The following FSD2 variants were observed in gnomAD, a reference collection of about 807,000 sequenced individuals.
The protein encoded by FSD2 is fibronectin type III and SPRY domain containing 2.
FSD2 carries 71 observed loss-of-function variants against 80.4 expected under a neutral mutation model. The observed-to-expected ratio is 0.88, with a 90% CI of 0.73 to 1.08. FSD2 has a LOEUF of 1.08. Ranked by LOEUF, FSD2 falls within the 50% of genes least tolerant of loss-of-function variation. The probability of loss-of-function intolerance (pLI) is 0.00; values close to 1 mark genes in which losing one functional copy is unlikely to be tolerated. For synonymous variants in FSD2, 361 were observed against 329.5 expected, an observed-to-expected ratio of 1.10 and a Z score of -1.03; for missense variants, 923 against 913.8, an observed-to-expected ratio of 1.01 and a Z score of -0.13.
intron 4 of FSD2, among the ~76,000 whole-genome samples, chr15:82,782,545 G>T (rs759112063): frequency 3.3e-5 from 5 of 152,212 alleles, no homozygotes; most frequent in Non-Finnish European, 7.3e-5. Flanking sequence ...CTCTGCGCTG[G>T]GGGAGGGAGA....
rs56148573 is a variant in FSD2 at position 82,790,742 on chromosome 15, AT to A, written c.-78-3275del. On this transcript the variant is annotated intron_variant, in intron 1 of 12. Transcript: ENST00000334574. ...AGGCGCCCGCCACCATGCCCAGCTA[AT>A]TTTTTTTTTTTTTTTGTATTTTTAG... 8.3e-3 allele frequency among the ~76,000 whole-genome samples: 1,103 copies of A among 132,628 alleles called. 8 individuals are homozygous for A. Among genetic ancestry groups the A allele is most frequent in the Non-Finnish European group, 0.012 (787 of 63,036 alleles). 87.0% of individuals were successfully genotyped at this position (132,628 alleles called of 152,430 possible).
At position 82,764,492 on chromosome 15, in the gene FSD2, C is replaced by CTTTTTTTTTTTTTTTTTTTTT. The variant is rs60095355; in HGVS notation, c.1820+673_1820+674insAAAAAAAAAAAAAAAAAAAAA. Among the ~76,000 whole-genome samples the CTTTTTTTTTTTTTTTTTTTTT allele has an allele frequency of 4.0e-3, 341 of 86,084 alleles. 39 individuals carry two copies. The highest frequency in any genetic ancestry group is 6.8e-3 in the Middle Eastern group (1 of 148). 56.5% of individuals were successfully genotyped at this position (86,084 alleles called of 152,430 possible). Reference sequence around the variant, plus strand: ...CTCTTGTTGCTTCATTCTTTACTTGCTTTTTTTTTTTTTTTTTTTTGAGAA... The same window carrying CTTTTTTTTTTTTTTTTTTTTT: ...CTCTTGTTGCTTCATTCTTTACTTGCTTTTTTTTTTTTTTTTTTTTTTTTTTTTTTTTTTTTTTTTTGAGAA... On this transcript the variant is annotated intron_variant, in intron 11 of 12. Coordinates refer to ENST00000334574, the MANE Select transcript of FSD2 (RefSeq NM_001007122.4).
In FSD2 at chr15:82,765,314, C is replaced by G; in HGVS notation, c.1688-16G>C. 2 of 1,612,892 alleles carry G rather than the reference C, an allele frequency of 1.2e-6. No homozygotes were observed. The highest frequency in any genetic ancestry group is 1.7e-6 in the Non-Finnish European group (2 of 1,179,532). On this transcript the variant is annotated splice_polypyrimidine_tract_variant and intron_variant, in intron 10 of 12. Coordinates refer to ENST00000334574, the MANE Select transcript of FSD2 (RefSeq NM_001007122.4). Reference sequence around the variant, plus strand: ...AAGTAGCTTCCTGTGGGAGGAGGAACACACAGAAGACCCGCAGCCAATCAC... The same window carrying G: ...AAGTAGCTTCCTGTGGGAGGAGGAAGACACAGAAGACCCGCAGCCAATCAC...
chr15:82,762,075 A>G, intron 12 of FSD2, 27 bp downstream of exon 12: 1 of 1,532,856 alleles, frequency 6.5e-7, no homozygotes, highest in Non-Finnish European at 8.8e-7. Context: ...GCAAATTTTA[A>G]TTGTGAGTAT....
intron 9 of FSD2, among the ~76,000 whole-genome samples, chr15:82,768,508 G>C (rs999177205): frequency 2.0e-5 from 3 of 152,170 alleles, no homozygotes; most frequent in African/African-American, 7.2e-5. Flanking sequence ...CCACCAGACT[G>C]TCAGCCCCAT....
chr15:82,796,890 C>A (rs577325479), intron 1 of FSD2, among the ~76,000 whole-genome samples: 1 of 152,144 alleles, frequency 6.6e-6, no homozygotes, highest in Non-Finnish European at 1.5e-5. Flanking sequence ...TGGGAAGGAA[C>A]TAGCATTTGA....
intron 8 of FSD2, among the ~76,000 whole-genome samples, chr15:82,769,525 A>T (rs1382087861): frequency 2.6e-5 from 4 of 152,090 alleles, no homozygotes; most frequent in Non-Finnish European, 5.9e-5. Flanking sequence ...CAGTGAGCAG[A>T]GATCTTGCCA....
intron 6 of FSD2, among the ~76,000 whole-genome samples, chr15:82,776,846 A>G (rs1182666082): frequency 6.6e-6 from 1 of 152,222 alleles, no homozygotes; most frequent in African/African-American, 2.4e-5. Context: ...ACAAAGCTAC[A>G]GTAATTAAGA....
chr15:82,762,907 C>T lies in FSD2; in HGVS notation c.1821-629G>A, dbSNP rs117026906. ...GAAAATCAAATTATACTGGTATCTC[C>T]AAAGTGAATATTCTACCTTCTTCAG... On this transcript the variant is annotated intron_variant, in intron 11 of 12. Transcript: ENST00000334574. 5.8e-3 allele frequency among the ~76,000 whole-genome samples: 877 copies of T among 152,274 alleles called. 11 individuals are homozygous for T. The highest frequency in any genetic ancestry group is 0.05 in the South Asian group (241 of 4,828).
rs2049785202 is a variant in FSD2, at chr15:82,778,878, T to A, written c.999A>T (p.Lys333Asn). The change falls in exon 6 of 13, where the codon AAA (lysine) becomes AAT (asparagine). Residue 333 changes from lysine to asparagine, a missense_variant. Lys to Asn is a moderately conservative substitution (Grantham distance 94). Transcript: ENST00000334574. ...CCACGTCTGTTTTTGTTTTCAGGAA[T>A]TTCCCGAGTCTGTTGGTATAAAAAG... Reference protein sequence around the residue: ...DAVAMADRLGKFLKTKTDVEI... With the variant: ...DAVAMADRLGNFLKTKTDVEI... 1 of 1,613,954 alleles carries A rather than the reference T, an allele frequency of 6.2e-7. No individual in the cohort carries two copies. The highest frequency in any genetic ancestry group is 1.1e-5 in the South Asian group (1 of 91,072).
chr15:82,784,065 G>A (rs1481009283), intron 3 of FSD2, among the ~76,000 whole-genome samples: 1 of 151,958 alleles, frequency 6.6e-6, no homozygotes, highest in African/African-American at 2.4e-5. Context: ...AATCATTCAG[G>A]GAGTAATTAC....
intron 1 of FSD2, among the ~76,000 whole-genome samples, chr15:82,804,368 TA>T: frequency 6.6e-6 from 1 of 152,140 alleles, no homozygotes; most frequent in Non-Finnish European, 1.5e-5. Context: ...CATGGATGTT[TA>T]AAAAAAATTC....
rs752459574 is a variant in FSD2, at chr15:82,786,916, C to G, written c.475G>C (p.Glu159Gln). Residue 159 changes from glutamate to glutamine, a missense_variant, in exon 2 of 13, where the codon GAG becomes CAG. Transcript: ENST00000334574. ...GGGATGACATAGCATTCATACTCCTCGCTGGCACGGCCGTGTGTGTACCTA... is the reference window on the plus strand; with the variant it reads ...GGGATGACATAGCATTCATACTCCTGGCTGGCACGGCCGTGTGTGTACCTA... ...AYRYTHGRAS[E>Q]EYECYVIPEE... is the part of the protein sequence containing the mutation. The G allele has an allele frequency of 6.2e-7, 1 of 1,613,874 alleles. No individual in the cohort carries two copies. Among genetic ancestry groups the G allele is most frequent in the Admixed American group, 1.7e-5 (1 of 59,994 alleles).
At position 82,769,774 on chromosome 15, in the gene FSD2, T is replaced by A; in HGVS notation, c.1378A>T (p.Ser460Cys). ...AHNRAGPSPS[S>C]ERAVYMTAPS... is the part of the protein sequence containing the mutation. ...CCTGTCATGTACACTGCACGCTCGCTAGAGGGGCTGGGGCCAGCCCTGTTG... is the reference window on the plus strand; with the variant it reads ...CCTGTCATGTACACTGCACGCTCGCAAGAGGGGCTGGGGCCAGCCCTGTTG... Residue 460 changes from serine to cysteine, a missense_variant, in exon 8 of 13, where the codon AGC becomes TGC. Ser to Cys is a moderately radical substitution (Grantham distance 112). Transcript: ENST00000334574. The A allele has an allele frequency of 6.2e-7, 1 of 1,613,954 alleles. No homozygotes were observed. Among genetic ancestry groups the A allele is most frequent in the Non-Finnish European group, 8.5e-7 (1 of 1,179,858 alleles).
chr15:82,756,705 C>T lies in FSD2; in HGVS notation c.*2643G>A, dbSNP rs1233426265. On this transcript the variant is annotated 3_prime_UTR_variant, in exon 13 of 13. Coordinates refer to ENST00000334574, the MANE Select transcript of FSD2 (RefSeq NM_001007122.4). ...ACGCCAAGATTCTGTGGTGGTTTTA[C>T]ATATTCTTTTTCCCCTTTGTTAAGG... 1.3e-5 allele frequency: 2 copies of T among 152,182 alleles called. No individual in the cohort carries two copies. The highest frequency in any genetic ancestry group is 4.1e-4 in the South Asian group (2 of 4,830). The allele number at this position is 152,182 out of a possible 1,614,324, so 9.4% of individuals were successfully genotyped here.
chr15:82,801,509 C>G (rs1000295977), intron 1 of FSD2, among the ~76,000 whole-genome samples: 10 of 152,158 alleles, frequency 6.6e-5, no homozygotes, highest in Non-Finnish European at 1.5e-4. Context: ...TGGGGACCTT[C>G]TCTCTTCTCC....
At chr15:82,776,586 C>T (rs2379991) in intron 6 of FSD2, among the ~76,000 whole-genome samples, 48,595 of 151,930 alleles carry the variant, frequency 0.32, 8,101 homozygotes, top group African/African-American at 0.43. Flanking sequence ...GAAATTGAAG[C>T]AGACACAAAA....
chr15:82,762,195 C>A lies in FSD2; in HGVS notation c.1904G>T (p.Arg635Ile). 1.2e-6 allele frequency: 2 copies of A among 1,613,922 alleles called. No homozygotes were observed. The change falls in exon 12 of 13, where the codon AGA (arginine) becomes ATA (isoleucine). Residue 635 changes from arginine (R) to isoleucine (I), a missense_variant. Physicochemically the swap from Arg to Ile is moderately conservative, Grantham distance 97. Coordinates refer to ENST00000334574, the MANE Select transcript of FSD2 (RefSeq NM_001007122.4). ...EVEVDEHLDYRVGVAFADVRK... is the reference protein window; with the variant it reads ...EVEVDEHLDYIVGVAFADVRK... The stretch of plus-strand genomic sequence containing the variant: ...GACATCTGCAAAGGCCACACCAACT[C>A]TGTAGTCCAAATGCTCATCCACCTC...
chr15:82,791,362 G>A (rs2050147600), intron 1 of FSD2, among the ~76,000 whole-genome samples: 1 of 151,414 alleles, frequency 6.6e-6, no homozygotes, highest in South Asian at 2.1e-4. Flanking sequence ...TTCACAGCAT[G>A]TATTTTTAAA....
Sources: gnomAD v4.1 joint callset for allele counts (sites outside exome capture counted in the v4.1 genomes callset) on GRCh38, gnomAD v4.1.1 for gene constraint, MANE v1.5 for transcripts, NCBI Gene and HGNC (gene_info 2026-07-23, HGNC 2026-07-21) for gene names.